WDTC1: variants seen among roughly 807,000 people sequenced by gnomAD.
WDTC1 encodes the protein WD and tetratricopeptide repeats 1.
WDTC1 carries 12 observed loss-of-function variants against 76.0 expected under a neutral mutation model. That is an observed-to-expected ratio of 0.16 (90% confidence interval 0.10 to 0.26). The LOEUF (loss-of-function observed/expected upper bound fraction) is 0.26. Among genes scored for constraint, WDTC1 ranks in the 10% least tolerant of loss-of-function variants. The probability of loss-of-function intolerance (pLI) is 1.00; values close to 1 mark genes in which losing one functional copy is unlikely to be tolerated. For synonymous variants in WDTC1, 326 were observed against 350.8 expected (o/e 0.93, Z 0.79); for missense variants, 511 against 908.8 (o/e 0.56, Z 5.63).
chr1:27,292,946 T>C (rs947889480), intron 7 of WDTC1, among the ~76,000 whole-genome samples: 1 of 147,278 alleles, frequency 6.8e-6, no homozygotes, highest in African/African-American at 2.5e-5. Flanking sequence ...GAGACGGGGT[T>C]TCACCATGTT....
intron 1 of WDTC1, among the ~76,000 whole-genome samples, chr1:27,239,517 CAA>C (rs1165446864): frequency 2.7e-4 from 11 of 40,588 alleles, no homozygotes; most frequent in African/African-American, 7.1e-4. Context: ...GACCCTGTCT[CAA>C]AAAAAAAAAA....
chr1:27,300,068 G>A (rs924356711), intron 12 of WDTC1, among the ~76,000 whole-genome samples: 5 of 152,194 alleles, frequency 3.3e-5, no homozygotes, highest in Admixed American at 1.3e-4. Flanking sequence ...CGCAGGCCAC[G>A]CCATTGAAGC....
rs756230461 is a variant in WDTC1, at chr1:27,274,858, G to C, written c.133-7381G>C. 3.9e-5 allele frequency among the ~76,000 whole-genome samples: 6 copies of C among 152,268 alleles called. No individual in the cohort carries two copies. Among genetic ancestry groups the C allele is most frequent in the Non-Finnish European group, 8.8e-5 (6 of 68,028 alleles). ...TTGATTCCTGCTATTTCATTCACTTGTGGGATTTCTTGGCACCGTATTAGA... is the reference window on the plus strand; with the variant it reads ...TTGATTCCTGCTATTTCATTCACTTCTGGGATTTCTTGGCACCGTATTAGA... On this transcript the variant is annotated intron_variant, in intron 3 of 15. Coordinates refer to ENST00000319394, the MANE Select transcript of WDTC1 (RefSeq NM_001276252.2). This position sits in a 1 kb window ranked among gnomAD's most constrained non-coding sequence, Gnocchi z 4.2.
Position 27,260,942 on chromosome 1 carries a change from T to C in WDTC1, c.-99-14T>C. On this transcript the variant is annotated splice_polypyrimidine_tract_variant and intron_variant, in intron 1 of 15. Coordinates refer to ENST00000319394, the MANE Select transcript of WDTC1 (RefSeq NM_001276252.2). ...TTATCCATCCTCCAAAGTTTGATGA[T>C]TTTTTTCCCCCAGGTAATTAAATGT... The C allele has an allele frequency of 8.2e-7, 1 of 1,222,594 alleles. No homozygotes were observed. The highest frequency in any genetic ancestry group is 2.2e-5 in the Admixed American group (1 of 46,394). 75.7% of individuals were successfully genotyped at this position (1,222,594 alleles called of 1,614,324 possible). A position where few individuals can be genotyped will look rare whatever the true frequency, so the allele number is the denominator to read the frequency against.
intron 6 of WDTC1, among the ~76,000 whole-genome samples, chr1:27,288,974 G>C (rs1175037742): frequency 1.2e-5 from 1 of 80,028 alleles, no homozygotes; most frequent in South Asian, 4.7e-4. Context: ...CTGGCCGGGC[G>C]GGGGGCTGAC....
Position 27,287,697 on chromosome 1 carries a change from C to T in WDTC1, c.315C>T (p.Arg105=). The T allele has an allele frequency of 6.2e-7, 1 of 1,613,996 alleles. No individual in the cohort carries two copies. The highest frequency in any genetic ancestry group is 8.5e-7 in the Non-Finnish European group (1 of 1,179,960). The change falls in exon 6 of 16, where the codon CGC becomes CGT. Residue 105 remains arginine, a synonymous_variant. Transcript: ENST00000319394. ...SVKFLPHAGD[R]ILITGAADSK... is the part of the protein sequence containing the mutation. ...AGTTCCTGCCTCACGCTGGGGACCG[C>T]ATCTTGATCACGGGGGCAGCCGACT...
Position 27,253,358 on chromosome 1 carries a change from T to TTTCTTCTTTC in WDTC1, c.-99-7590_-99-7589insTCTTCTTCTT, listed in dbSNP as rs1228013456. On this transcript the variant is annotated intron_variant, in intron 1 of 15. Transcript: ENST00000319394. ...GCTTCTTCTTCTTTCTTCTTTCTTC[T>TTTCTTCTTTC]TTCTTCTTCTTCTTCTTTCTTCTTT... Among the ~76,000 whole-genome samples the TTTCTTCTTTC allele has an allele frequency of 4.0e-5, 6 of 149,086 alleles. 1 individual carries two copies. The highest frequency in any genetic ancestry group is 1.5e-4 in the African/African-American group (6 of 40,678).
In WDTC1 at chr1:27,303,617, C is replaced by G. The variant is rs751299015; in HGVS notation, c.1469-4C>G. On this transcript the variant is annotated splice_polypyrimidine_tract_variant and splice_region_variant and intron_variant, in intron 13 of 15. Transcript: ENST00000319394. This position sits in a 1 kb window ranked among gnomAD's most constrained non-coding sequence, Gnocchi z 4.8. ...GCTTACCTTTTCTGGATCTCTGCCCCCAGAGGAGAAGAAGGGACCTGGTGG... is the reference window on the plus strand; with the variant it reads ...GCTTACCTTTTCTGGATCTCTGCCCGCAGAGGAGAAGAAGGGACCTGGTGG... 3.1e-6 allele frequency: 5 copies of G among 1,588,706 alleles called. No individual in the cohort carries two copies. The Admixed American group carries it at 9.5e-5, about 30-fold the overall frequency.
chr1:27,253,967 T>C (rs1016265471), intron 1 of WDTC1, among the ~76,000 whole-genome samples: 1 of 152,204 alleles, frequency 6.6e-6, no homozygotes, highest in African/African-American at 2.4e-5. Flanking sequence ...ATTGATTTAT[T>C]GATCTGATTA....
chr1:27,239,047 T>C (rs1369530237), intron 1 of WDTC1, among the ~76,000 whole-genome samples: 1 of 142,008 alleles, frequency 7.0e-6, no homozygotes, highest in African/African-American at 2.7e-5. Context: ...GGAAGACAGG[T>C]GTGTGCCATC....
chr1:27,275,633 A>G (rs563288669), intron 3 of WDTC1, among the ~76,000 whole-genome samples: 1 of 151,726 alleles, frequency 6.6e-6, no homozygotes, highest in Non-Finnish European at 1.5e-5. Flanking sequence ...AAAAAAAAAA[A>G]TAAAGAAAAA....
At chr1:27,289,188 G>T (rs2013447309) in intron 6 of WDTC1, among the ~76,000 whole-genome samples, 3 of 151,452 alleles carry the variant, frequency 2.0e-5, no homozygotes, top group African/African-American at 2.4e-5. Flanking sequence ...CCCGGACGGG[G>T]CGGCTGGCCG....
At position 27,303,496 on chromosome 1, in the gene WDTC1, T is replaced by C; in HGVS notation, c.1469-125T>C. 8.4e-7 allele frequency: 1 copy of C among 1,193,898 alleles called. No homozygotes were observed. The highest frequency in any genetic ancestry group is 1.1e-6 in the Non-Finnish European group (1 of 885,496). 74.0% of individuals were successfully genotyped at this position (1,193,898 alleles called of 1,614,324 possible). On this transcript the variant is annotated intron_variant, in intron 13 of 15. Coordinates refer to ENST00000319394, the MANE Select transcript of WDTC1 (RefSeq NM_001276252.2). This position sits in a 1 kb window ranked among gnomAD's most constrained non-coding sequence, Gnocchi z 4.8. The stretch of plus-strand genomic sequence containing the variant: ...ACAACCTTTCCCCAGTTTTCCAGGA[T>C]AAGGGTGGAGGCAGGTAGCTCTATG...
At chr1:27,268,173 G>T (rs1311963514) in intron 3 of WDTC1, among the ~76,000 whole-genome samples, 1 of 152,060 alleles carries the variant, frequency 6.6e-6, no homozygotes, top group Non-Finnish European at 1.5e-5. Context: ...AGGCATGGTG[G>T]CTCACCCCTG....
chr1:27,296,978 G>A (rs2013709526), intron 10 of WDTC1, 70 bp from the exon 11 acceptor site: 1 of 1,391,270 alleles, frequency 7.2e-7, no homozygotes, highest in African/African-American at 1.4e-5. Context: ...ATGGAAGCTA[G>A]AGGGCTGCCA....
chr1:27,272,801 C>T (rs1570962105), intron 3 of WDTC1, among the ~76,000 whole-genome samples: 2 of 152,048 alleles, frequency 1.3e-5, no homozygotes, highest in African/African-American at 4.8e-5. Flanking sequence ...TCTAGGTACT[C>T]AGGAGTTTGA....
Position 27,263,676 on chromosome 1 carries a change from C to T in WDTC1, c.132+441C>T, listed in dbSNP as rs555947532. 7.2e-5 allele frequency among the ~76,000 whole-genome samples: 11 copies of T among 152,202 alleles called. No homozygotes were observed. In the East Asian group the frequency reaches 1.7e-3, roughly 24 times the overall value. ...GTCTCGATCTCCTGACCTCGTGATCCGCCCGCCTTGGACTCCCACTGGGAT... is the reference window on the plus strand; with the variant it reads ...GTCTCGATCTCCTGACCTCGTGATCTGCCCGCCTTGGACTCCCACTGGGAT... On this transcript the variant is annotated intron_variant, in intron 3 of 15. Transcript: ENST00000319394.
intron 3 of WDTC1, among the ~76,000 whole-genome samples, chr1:27,279,451 T>G (rs909651377): frequency 1.3e-5 from 2 of 152,162 alleles, no homozygotes; most frequent in Non-Finnish European, 1.5e-5. Flanking sequence ...GGTGGGAGGA[T>G]CGCTGGAGCC....
intron 3 of WDTC1, among the ~76,000 whole-genome samples, chr1:27,269,701 G>A (rs566518333): frequency 1.1e-4 from 14 of 129,208 alleles, no homozygotes; most frequent in Admixed American, 1.9e-4. Context: ...TGCAACCTCC[G>A]CCTCCCAGGT....
Sources: allele counts gnomAD v4.1 joint callset (sites outside exome capture counted in the v4.1 genomes callset), GRCh38; gene constraint gnomAD v4.1.1; non-coding constraint Gnocchi (gnomAD v3.1); transcripts MANE v1.5; gene names NCBI Gene and HGNC (gene_info 2026-07-23, HGNC 2026-07-21).